Variants in ZC3H3 observed in about 807,000 individuals in gnomAD.
ZC3H3 encodes zinc finger CCCH domain-containing protein 3.
ZC3H3 carries 36 observed loss-of-function variants against 77.3 expected under a neutral mutation model. That is an observed-to-expected ratio of 0.47 (90% confidence interval 0.36 to 0.61). ZC3H3 has a LOEUF of 0.61. ZC3H3 is among the 20% of genes least tolerant of loss of function. The probability of loss-of-function intolerance (pLI) is 0.00; values close to 1 mark genes in which losing one functional copy is unlikely to be tolerated. For synonymous variants in ZC3H3, 626 were observed against 555.2 expected, an observed-to-expected ratio of 1.13 and a Z score of -1.79; for missense variants, 1,331 against 1,312.2, an observed-to-expected ratio of 1.01 and a Z score of -0.22.
intron 3 of ZC3H3, among the ~76,000 whole-genome samples, chr8:143,510,948 G>T (rs890585708): frequency 6.6e-6 from 1 of 152,316 alleles, no homozygotes; most frequent in East Asian, 1.9e-4. Flanking sequence ...AGCCCTCTCT[G>T]CCCGCCATCA....
chr8:143,525,936 C>T (rs1484436719), intron 3 of ZC3H3, among the ~76,000 whole-genome samples: 1 of 152,258 alleles, frequency 6.6e-6, no homozygotes, highest in African/African-American at 2.4e-5. Flanking sequence ...CTGCCGTCCG[C>T]CTGGGCCTGG....
intron 1 of ZC3H3, 71 bp downstream of exon 1, chr8:143,541,305 G>A: frequency 1.3e-6 from 2 of 1,590,974 alleles, no homozygotes; most frequent in Admixed American, 1.7e-5. Context: ...CCTTCGACAA[G>A]GGGGCAGGGG....
chr8:143,506,218 G>A (rs2130417602), intron 4 of ZC3H3, among the ~76,000 whole-genome samples: 1 of 152,332 alleles, frequency 6.6e-6, no homozygotes, highest in East Asian at 1.9e-4. Flanking sequence ...AGGCCCTGCT[G>A]GGTCCGCCCT....
chr8:143,445,475 A>T (rs540299797), intron 9 of ZC3H3, among the ~76,000 whole-genome samples: 2 of 152,042 alleles, frequency 1.3e-5, no homozygotes, highest in Admixed American at 6.5e-5. Context: ...GCTTGAGACC[A>T]GGAGTTCGAA....
At chr8:143,502,311 G>A (rs1281078824) in intron 4 of ZC3H3, among the ~76,000 whole-genome samples, 6 of 152,372 alleles carry the variant, frequency 3.9e-5, no homozygotes, top group African/African-American at 1.4e-4. Context: ...TGGCGTCCCA[G>A]GAGGCTGTGC....
chr8:143,461,379 C>T (rs895217333), intron 9 of ZC3H3, among the ~76,000 whole-genome samples: 3 of 152,080 alleles, frequency 2.0e-5, no homozygotes, highest in East Asian at 1.9e-4. Context: ...GTAAGCAAGA[C>T]GAAAGCCTTG....
At position 143,475,523 on chromosome 8, in the gene ZC3H3, G is replaced by A. The variant is rs1820708912; in HGVS notation, c.1778C>T (p.Ser593Phe). 9 of 1,611,672 alleles carry A rather than the reference G, an allele frequency of 5.6e-6. No individual in the cohort carries two copies. The highest frequency in any genetic ancestry group is 6.8e-6 in the Non-Finnish European group (8 of 1,179,490). Residue 593 changes from serine to phenylalanine, a missense_variant, in exon 5 of 12, where the codon TCC (serine) becomes TTC (phenylalanine). Physicochemically the swap from Ser to Phe is radical, Grantham distance 155. Coordinates refer to ENST00000262577, the MANE Select transcript of ZC3H3 (RefSeq NM_015117.3). ...GTAGCCTTTGCTCCGCCACCAAGGG[G>A]AGCCCGGTTGGGCTTTCCCACCCCC... Reference protein sequence around the residue: ...ASGGGKAQPGSPWWRSKGYRC... With the variant: ...ASGGGKAQPGFPWWRSKGYRC...
At chr8:143,518,410 C>T (rs1822130176) in intron 3 of ZC3H3, among the ~76,000 whole-genome samples, 1 of 152,276 alleles carries the variant, frequency 6.6e-6, no homozygotes, top group Non-Finnish European at 1.5e-5. Context: ...CTTCTGCTTC[C>T]TCTGAGCATA....
At chr8:143,541,038 C>G (rs1316478950) in intron 1 of ZC3H3, among the ~76,000 whole-genome samples, 1 of 152,244 alleles carries the variant, frequency 6.6e-6, no homozygotes, top group Non-Finnish European at 1.5e-5. Context: ...AGTCCCAGCC[C>G]CGCAGTGGGG....
At chr8:143,441,456 C>G (rs1284296748) in intron 9 of ZC3H3, among the ~76,000 whole-genome samples, 1 of 152,196 alleles carries the variant, frequency 6.6e-6, no homozygotes, top group Non-Finnish European at 1.5e-5. Flanking sequence ...CTGCCAGACC[C>G]CAGCCAGCCC....
intron 11 of ZC3H3, 131 bp downstream of exon 11, chr8:143,439,910 G>C: frequency 1.8e-6 from 1 of 557,370 alleles, no homozygotes; most frequent in Non-Finnish European, 2.8e-6. Flanking sequence ...CTGGGGGCCC[G>C]AGCCAGGCCA....
intron 3 of ZC3H3, 48 bp downstream of exon 3, chr8:143,536,209 A>G (rs11774857): frequency 1 from 1,568,589 of 1,569,330 alleles, 783,925 homozygotes; most frequent in East Asian, 1. Flanking sequence ...AGCATATCCC[A>G]TCAGGCAGGC....
Position 143,494,554 on chromosome 8 carries a change from C to A in ZC3H3, c.1715+13192G>T, listed in dbSNP as rs967418282. ...AGGTCAGGGCCTCAGAGCACAGCGG[C>A]GCCGGCAGAACCCAGAGCGAGGGCC... On this transcript the variant is annotated intron_variant, in intron 4 of 11. Coordinates refer to ENST00000262577, the MANE Select transcript of ZC3H3 (RefSeq NM_015117.3). The surrounding 1 kb of genome is among the most constrained non-coding windows in gnomAD (Gnocchi z 5.3). Among the ~76,000 whole-genome samples, 2 of 152,096 alleles carry A rather than the reference C, an allele frequency of 1.3e-5. No individual in the cohort carries two copies. The highest frequency in any genetic ancestry group is 2.9e-5 in the Non-Finnish European group (2 of 68,022).
intron 9 of ZC3H3, among the ~76,000 whole-genome samples, chr8:143,461,088 G>T (rs1820249657): frequency 6.6e-6 from 1 of 152,088 alleles, no homozygotes; most frequent in South Asian, 2.1e-4. Flanking sequence ...CTTAAAAATG[G>T]TCAAAATTTA....
chr8:143,472,141 C>G (rs1324614972), intron 5 of ZC3H3, among the ~76,000 whole-genome samples: 2 of 152,250 alleles, frequency 1.3e-5, no homozygotes, highest in African/African-American at 2.4e-5. Context: ...CTGGCTGGCA[C>G]CAGCCTCTGT....
At chr8:143,471,133 C>T (rs548184208) in intron 5 of ZC3H3, among the ~76,000 whole-genome samples, 244 of 152,364 alleles carry the variant, frequency 1.6e-3, no homozygotes, top group Middle Eastern at 6.8e-3. Flanking sequence ...ACAACATCCA[C>T]GATGACCGGG....
chr8:143,496,526 CTATCAAGTGGAGT>C (rs956998594), intron 4 of ZC3H3, among the ~76,000 whole-genome samples: 1 of 152,168 alleles, frequency 6.6e-6, no homozygotes. Context: ...AGATTACAGC[CTATCAAGTGGAGT>C]AAGACTCCTG....
chr8:143,479,605 G>A (rs949551132), intron 4 of ZC3H3, among the ~76,000 whole-genome samples: 12 of 152,186 alleles, frequency 7.9e-5, no homozygotes, highest in Admixed American at 4.6e-4. Context: ...CTTCTTTCTC[G>A]CCTTTGTAAT....
At chr8:143,525,328 C>A (rs1480994988) in intron 3 of ZC3H3, among the ~76,000 whole-genome samples, 3 of 152,236 alleles carry the variant, frequency 2.0e-5, no homozygotes, top group Non-Finnish European at 4.4e-5. Context: ...AAAGGAGGGC[C>A]CTGAGGGGTG....
Sources: gnomAD v4.1 joint callset for allele counts (sites outside exome capture counted in the v4.1 genomes callset) on GRCh38, gnomAD v4.1.1 for gene constraint, Gnocchi (gnomAD v3.1) non-coding constraint, MANE v1.5 for transcripts, NCBI Gene and HGNC (gene_info 2026-07-23, HGNC 2026-07-21) for gene names.